DBF4B: variants seen among roughly 807,000 people sequenced by gnomAD.
DBF4B encodes the protein DBF4B-CDC7 kinase regulatory subunit.
A neutral mutation model predicts 53.4 loss-of-function variants in DBF4B; 49 were observed. The ratio of observed to expected loss-of-function variants is 0.92; its 90% CI spans 0.73 to 1.16. DBF4B has a LOEUF of 1.16. DBF4B is among the 50% of genes most tolerant of loss of function. The pLI is 0.00. For missense variants in DBF4B, 692 were observed against 775.0 expected (o/e 0.89, Z 1.27); for synonymous variants, 257 against 288.7 (o/e 0.89, Z 1.11).
intron 2 of DBF4B, among the ~76,000 whole-genome samples, chr17:44,714,276 A>G (rs1973145228): frequency 6.6e-6 from 1 of 152,096 alleles, no homozygotes; most frequent in Non-Finnish European, 1.5e-5. Context: ...TTCACTGTAG[A>G]ACTCATCCAG....
chr17:44,710,066 A>G (rs904822031), intron 2 of DBF4B, among the ~76,000 whole-genome samples: 21 of 151,980 alleles, frequency 1.4e-4, no homozygotes, highest in African/African-American at 4.8e-4. Flanking sequence ...CCAGCTACTC[A>G]GGAGGCTGAG....
chr17:44,726,355 G>A (rs1287289077), intron 3 of DBF4B, among the ~76,000 whole-genome samples: 1 of 143,044 alleles, frequency 7.0e-6, no homozygotes, highest in African/African-American at 2.6e-5. Context: ...CCAGTTGCCT[G>A]CAAGAGGGAG....
chr17:44,735,584 C>T (rs975201713), intron 7 of DBF4B, among the ~76,000 whole-genome samples: 48 of 151,954 alleles, frequency 3.2e-4, no homozygotes, highest in African/African-American at 1.1e-3. Flanking sequence ...GCAGGAGAAT[C>T]GCTTGAACCC....
chr17:44,749,460 G>C lies in DBF4B; in HGVS notation c.1189+995G>C. The C allele has an allele frequency of 7.8e-7, 1 of 1,288,676 alleles. No homozygotes were observed. Among genetic ancestry groups the C allele is most frequent in the Non-Finnish European group, 1.0e-6 (1 of 988,310 alleles). 79.8% of individuals were successfully genotyped at this position (1,288,676 alleles called of 1,614,324 possible). ...GCAGAACCCCAGGACTTCCCCAAAA[G>C]AGCTAGAAGGAGGCCCGGGCCTGGC... is the stretch of plus-strand genomic sequence containing the variant. On this transcript the variant is annotated intron_variant, in intron 13 of 13. Transcript: ENST00000315005. The surrounding 1 kb of genome is among the most constrained non-coding windows in gnomAD (Gnocchi z 4.4).
intron 12 of DBF4B, among the ~76,000 whole-genome samples, chr17:44,747,986 A>T (rs1348113669): frequency 2.0e-5 from 3 of 151,990 alleles, no homozygotes; most frequent in African/African-American, 7.3e-5. Context: ...CTGTGGCTTC[A>T]CCTCTCACCC....
At chr17:44,733,751 T>A in intron 6 of DBF4B, 1 of 260,856 alleles carries the variant, frequency 3.8e-6, no homozygotes, top group East Asian at 8.2e-5. Flanking sequence ...TACAGCTGAG[T>A]AGTTCACACA....
chr17:44,719,890 C>T (rs371362287), intron 2 of DBF4B: 49 of 215,170 alleles, frequency 2.3e-4, no homozygotes, highest in African/African-American at 8.8e-4. Context: ...ATAAGTCTTG[C>T]GCTGCTCTGT....
intron 5 of DBF4B, chr17:44,731,258 T>C: frequency 2.2e-6 from 1 of 463,306 alleles, no homozygotes; most frequent in South Asian, 2.1e-5. Flanking sequence ...AAGAGAACTG[T>C]GGGGATGTGG....
At chr17:44,736,993 C>A in intron 8 of DBF4B, 127 bp downstream of exon 8, 1 of 1,158,712 alleles carries the variant, frequency 8.6e-7, no homozygotes. Context: ...TTATCTTGCC[C>A]CTTTGTGTTT....
At chr17:44,744,081 ACCCCCCCCCC>A (rs71361595) in intron 10 of DBF4B, among the ~76,000 whole-genome samples, 1 of 8,694 alleles carries the variant, frequency 1.2e-4, no homozygotes, top group Non-Finnish European at 1.8e-4. Context: ...TAATGAGACC[ACCCCCCCCCC>A]CCCCCGCCCA....
intron 3 of DBF4B, 67 bp from the exon 4 acceptor site, chr17:44,729,838 G>T (rs1974683272): frequency 6.5e-7 from 1 of 1,545,120 alleles, no homozygotes; most frequent in African/African-American, 1.4e-5. Context: ...TCCTTCTCCA[G>T]CCTCTTTATA....
intron 7 of DBF4B, among the ~76,000 whole-genome samples, chr17:44,735,418 A>C (rs1975298771): frequency 6.6e-6 from 1 of 152,216 alleles, no homozygotes; most frequent in African/African-American, 2.4e-5. Flanking sequence ...CACGCCTGTA[A>C]TCCCAGTAAT....
intron 10 of DBF4B, among the ~76,000 whole-genome samples, chr17:44,742,409 CAAAAAAAAAAA>C: frequency 1.9e-5 from 1 of 52,098 alleles, no homozygotes; most frequent in Non-Finnish European, 4.1e-5. Flanking sequence ...GACTCCTTCT[CAAAAAAAAAAA>C]AAAAAAAAAA....
chr17:44,730,133 CAAAG>C, intron 4 of DBF4B, 37 bp downstream of exon 4: 2 of 1,596,626 alleles, frequency 1.3e-6, no homozygotes, highest in Non-Finnish European at 1.7e-6. Flanking sequence ...GCTGTGTAAA[CAAAG>C]GAAGTAGGCT....
intron 10 of DBF4B, among the ~76,000 whole-genome samples, chr17:44,741,692 A>G (rs1976047060): frequency 6.6e-6 from 1 of 151,934 alleles, no homozygotes; most frequent in South Asian, 2.1e-4. Flanking sequence ...TGTGAAGGGC[A>G]CCCCCTTCTC....
At position 44,726,292 on chromosome 17, in the gene DBF4B, T is replaced by TTTTTTTTATTTA. The variant is rs1555676222; in HGVS notation, c.225+3273_225+3274insTTTTATTTATTT. 4.5e-3 allele frequency among the ~76,000 whole-genome samples: 597 copies of TTTTTTTTATTTA among 132,062 alleles called. 6 individuals are homozygous for TTTTTTTTATTTA. The highest frequency in any genetic ancestry group is 0.012 in the African/African-American group (412 of 34,786). 86.6% of individuals were successfully genotyped at this position (132,062 alleles called of 152,430 possible). A position where few individuals can be genotyped will look rare whatever the true frequency, so the allele number is the denominator to read the frequency against. ...GTGTGAGCCATCGCACCCGGCCCTT[T>TTTTTTTTATTTA]TTTATTTATTTATTTATTTATTTAT... On this transcript the variant is annotated intron_variant, in intron 3 of 13. Transcript: ENST00000315005.
chr17:44,742,825 C>G (rs1976213991), intron 10 of DBF4B, among the ~76,000 whole-genome samples: 1 of 152,062 alleles, frequency 6.6e-6, no homozygotes, highest in African/African-American at 2.4e-5. Flanking sequence ...CCCTCATTAA[C>G]CAAAGTAGAG....
At chr17:44,745,586 C>T (rs890341370) in intron 10 of DBF4B, among the ~76,000 whole-genome samples, 2 of 152,154 alleles carry the variant, frequency 1.3e-5, no homozygotes, top group Non-Finnish European at 2.9e-5. Flanking sequence ...AGAACTGTCA[C>T]GAGAATAGCA....
intron 10 of DBF4B, among the ~76,000 whole-genome samples, chr17:44,742,921 C>T (rs945469862): frequency 3.3e-5 from 5 of 152,170 alleles, no homozygotes; most frequent in Admixed American, 2.6e-4. Context: ...CAGGAGAGAA[C>T]AGAGCAGACT....
Sources: gnomAD v4.1 joint callset for allele counts (sites outside exome capture counted in the v4.1 genomes callset) on GRCh38, gnomAD v4.1.1 for gene constraint, Gnocchi (gnomAD v3.1) non-coding constraint, MANE v1.5 for transcripts, NCBI Gene and HGNC (gene_info 2026-07-23, HGNC 2026-07-21) for gene names.